The following IGLL5 variants were observed in gnomAD, a reference collection of about 807,000 sequenced individuals.
IGLL5 encodes immunoglobulin lambda-like polypeptide 5.
A neutral mutation model predicts 20.9 loss-of-function variants in IGLL5; 30 were observed. The observed-to-expected ratio is 1.44, with a 90% CI of 1.07 to 1.95. The LOEUF (loss-of-function observed/expected upper bound fraction) is 1.95, where lower values mean the gene tolerates loss of function less well. IGLL5 is among the 30% of genes most tolerant of loss of function. IGLL5 has a pLI of 0.00. For synonymous variants in IGLL5, 203 were observed against 117.3 expected, an observed-to-expected ratio of 1.73 and a Z score of -4.72; for missense variants, 475 against 270.7, an observed-to-expected ratio of 1.75 and a Z score of -5.30.
intron 2 of IGLL5, 84 bp downstream of exon 2, chr22:22,893,902 C>G (rs531906917): frequency 1.1e-6 from 1 of 928,132 alleles, no homozygotes; most frequent in South Asian, 1.3e-5. Flanking sequence ...GGCTTCCTCC[C>G]CTCTGTCCTC....
chr22:22,888,471 T>A (rs190861612), intron 1 of IGLL5, among the ~76,000 whole-genome samples: 4 of 151,436 alleles, frequency 2.6e-5, no homozygotes, highest in South Asian at 2.1e-4. Context: ...ATTATTTTTC[T>A]TGATTTCTGA....
intron 1 of IGLL5, among the ~76,000 whole-genome samples, chr22:22,888,837 C>G (rs536173124): frequency 6.6e-6 from 1 of 151,438 alleles, no homozygotes; most frequent in African/African-American, 2.4e-5. Context: ...AGGCCCACGG[C>G]CCATGTTTGG....
rs140298238 is a variant in IGLL5 at position 22,888,178 on chromosome 22, T to A, written c.125T>A (p.Met42Lys). 7.7e-6 allele frequency: 12 copies of A among 1,548,808 alleles called. 1 individual carries two copies. The highest frequency in any genetic ancestry group is 2.4e-5 in the South Asian group (2 of 83,942). ...GTCGCCCATGGCCTGCTGCGCCCAATGGTTGCACCGCAAAGCGGGGACCCA... is the reference window on the plus strand; with the variant it reads ...GTCGCCCATGGCCTGCTGCGCCCAAAGGTTGCACCGCAAAGCGGGGACCCA... ...AMVAHGLLRP[M>K]VAPQSGDPDP... The change falls in exon 1 of 3, where the codon ATG becomes AAG. Residue 42 changes from methionine to lysine, a missense_variant. Transcript: ENST00000526893.
At chr22:22,888,931 G>GC (rs1257206430) in intron 1 of IGLL5, among the ~76,000 whole-genome samples, 4 of 151,330 alleles carry the variant, frequency 2.6e-5, no homozygotes, top group East Asian at 2.0e-4. Flanking sequence ...GGTGATGGGT[G>GC]CCCCCAAAAG....
Position 22,896,052 on chromosome 22 carries a change from A to AC in IGLL5, c.*360dup. 2.2e-6 allele frequency: 1 copy of AC among 453,746 alleles called. No homozygotes were observed. The highest frequency in any genetic ancestry group is 2.2e-5 in the South Asian group (1 of 45,722). The allele number at this position is 453,746 out of a possible 1,614,324, so 28.1% of individuals were successfully genotyped here. A position where few individuals can be genotyped will look rare whatever the true frequency, so the allele number is the denominator to read the frequency against. Reference sequence around the variant, plus strand: ...AGCTACCAGTCTGGCATCAGTTCAGACCAGTCCCACACCCTCCTAAATTTT... The same window carrying AC: ...AGCTACCAGTCTGGCATCAGTTCAGACCCAGTCCCACACCCTCCTAAATTTT... On this transcript the variant is annotated 3_prime_UTR_variant, in exon 3 of 3. Transcript: ENST00000526893.
chr22:22,888,825 A>T (rs566330597), intron 1 of IGLL5, among the ~76,000 whole-genome samples: 3 of 151,364 alleles, frequency 2.0e-5, no homozygotes, highest in East Asian at 2.0e-4. Context: ...AGTCATTGGA[A>T]CAGGCCCACG....
intron 1 of IGLL5, among the ~76,000 whole-genome samples, chr22:22,889,479 T>G (rs2067724048): frequency 6.6e-6 from 1 of 151,316 alleles, no homozygotes; most frequent in African/African-American, 2.4e-5. Flanking sequence ...TGTAACCAAA[T>G]CTTTATAACA....
chr22:22,888,538 A>C (rs551918336), intron 1 of IGLL5, among the ~76,000 whole-genome samples: 7 of 151,378 alleles, frequency 4.6e-5, no homozygotes, highest in South Asian at 2.1e-4. Context: ...ACCTAGTCCT[A>C]GTCCTCTGGG....
At chr22:22,889,014 A>G (rs2067676015) in intron 1 of IGLL5, among the ~76,000 whole-genome samples, 2 of 151,382 alleles carry the variant, frequency 1.3e-5, no homozygotes, top group Admixed American at 6.6e-5. Context: ...AAGGGGAGGC[A>G]AGAAGACCAT....
chr22:22,888,976 T>A (rs193207210), intron 1 of IGLL5, among the ~76,000 whole-genome samples: 5 of 151,282 alleles, frequency 3.3e-5, no homozygotes, highest in South Asian at 2.1e-4. Flanking sequence ...GAGCACAGGA[T>A]GAGGCTGGGA....
At chr22:22,893,990 A>T (rs1601622502) in intron 2 of IGLL5, among the ~76,000 whole-genome samples, 172 bp downstream of exon 2, 3 of 151,366 alleles carry the variant, frequency 2.0e-5, no homozygotes, top group South Asian at 2.1e-4. Context: ...ACCGGCAGGA[A>T]GGGCCTCCAC....
rs1176686017 is a variant in IGLL5, at chr22:22,888,104, C to G, written c.51C>G (p.Gly17=). Residue 17 remains glycine (G), a synonymous_variant, in exon 1 of 3, where the codon GGC becomes GGG. Coordinates refer to ENST00000526893, the MANE Select transcript of IGLL5 (RefSeq NM_001178126.2). The stretch of plus-strand genomic sequence containing the variant: ...GTTGTGAGACCCCTGAGGAGCTGGG[C>G]CCTGGTCCCAGGCAGCGCTGGCCCC... ...QVGCETPEEL[G]PGPRQRWPLL... 1.3e-6 allele frequency: 2 copies of G among 1,549,312 alleles called. No individual in the cohort carries two copies. The highest frequency in any genetic ancestry group is 2.0e-5 in the Admixed American group (1 of 50,798).
chr22:22,894,067 T>TCCTCTCTTCCAGGGCACATGTCCC, intron 2 of IGLL5, among the ~76,000 whole-genome samples: 1 of 151,310 alleles, frequency 6.6e-6, no homozygotes, highest in African/African-American at 2.4e-5. Context: ...TCAGGGCTCC[T>TCCTCTCTTCCAGGGCACATGTCCC]CCTCTCTTCC....
intron 1 of IGLL5, among the ~76,000 whole-genome samples, chr22:22,889,596 T>G (rs1438059379): frequency 6.6e-6 from 1 of 151,216 alleles, no homozygotes; most frequent in Admixed American, 6.6e-5. Context: ...GGACTGTTGT[T>G]GTTTTTGTTT....
intron 2 of IGLL5, among the ~76,000 whole-genome samples, chr22:22,894,229 C>A (rs551921816): frequency 2.6e-5 from 4 of 151,112 alleles, no homozygotes; most frequent in Middle Eastern, 3.8e-3. Flanking sequence ...AGGGGAGCAG[C>A]CCCAAGAACA....
chr22:22,894,591 A>G (rs2066671834), intron 2 of IGLL5, among the ~76,000 whole-genome samples: 2 of 151,380 alleles, frequency 1.3e-5, no homozygotes, highest in African/African-American at 2.4e-5. Context: ...TAGACTCAGG[A>G]AATGACCAGA....
At chr22:22,893,875 C>T (rs1320128955) in intron 2 of IGLL5, 57 bp downstream of exon 2, 13 of 1,204,648 alleles carry the variant, frequency 1.1e-5, no homozygotes, top group East Asian at 4.7e-5. Flanking sequence ...CCTGGAAAAT[C>T]TGTTTTCTCT....
In IGLL5 at chr22:22,887,904, G is replaced by A. The variant is rs1278378598; in HGVS notation, c.-150G>A. 1.4e-6 allele frequency: 1 copy of A among 715,238 alleles called. No homozygotes were observed. Among genetic ancestry groups the A allele is most frequent in the African/African-American group, 1.8e-5 (1 of 57,056 alleles). The allele number at this position is 715,238 out of a possible 1,614,324, so 44.3% of individuals were successfully genotyped here. On this transcript the variant is annotated 5_prime_UTR_variant, in exon 1 of 3. Transcript: ENST00000526893. The stretch of plus-strand genomic sequence containing the variant: ...GGACCCTGGAAGGGCCTGGGCTAGG[G>A]ACAGGGACCAGAGCCAGTCCAGGGA...
chr22:22,889,951 A>G (rs189325809), intron 1 of IGLL5, among the ~76,000 whole-genome samples: 1 of 151,256 alleles, frequency 6.6e-6, no homozygotes, highest in East Asian at 2.0e-4. Flanking sequence ...AAAATATAGA[A>G]AAATGTCAAT....
Sources: gnomAD v4.1 joint callset for allele counts (sites outside exome capture counted in the v4.1 genomes callset) on GRCh38, gnomAD v4.1.1 for gene constraint, MANE v1.5 for transcripts, NCBI Gene and HGNC (gene_info 2026-07-23, HGNC 2026-07-21) for gene names.